Variants in FNDC3B observed in about 807,000 individuals in gnomAD.
FNDC3B encodes the protein fibronectin type III domain containing 3B.
FNDC3B carries 12 observed loss-of-function variants against 151.5 expected under a neutral mutation model. That is an observed-to-expected ratio of 0.08 (90% CI 0.05 to 0.13). FNDC3B has a LOEUF of 0.13. Ranked by LOEUF, FNDC3B falls within the 10% of genes least tolerant of loss-of-function variation. FNDC3B has a pLI of 1.00. For synonymous variants in FNDC3B, 528 were observed against 549.0 expected (o/e 0.96, Z 0.54); for missense variants, 1,214 against 1,505.3 (o/e 0.81, Z 3.20).
At chr3:172,111,093 C>T (rs1719936248) in intron 1 of FNDC3B, among the ~76,000 whole-genome samples, 1 of 125,624 alleles carries the variant, frequency 8.0e-6, no homozygotes, top group Non-Finnish European at 1.6e-5. Flanking sequence ...AGTGAGACTC[C>T]ATTAAAAAAA....
chr3:172,112,714 G>A, intron 2 of FNDC3B, 124 bp downstream of exon 2: 1 of 708,836 alleles, frequency 1.4e-6, no homozygotes, highest in Non-Finnish European at 2.5e-6. Flanking sequence ...AGAGGTAAGT[G>A]TTTTTGTTGT....
chr3:172,242,622 T>C (rs1280831521), intron 4 of FNDC3B, among the ~76,000 whole-genome samples: 1 of 152,324 alleles, frequency 6.6e-6, no homozygotes, highest in East Asian at 1.9e-4. Context: ...CACCAAGTCC[T>C]TAGATTGCAC....
intron 7 of FNDC3B, among the ~76,000 whole-genome samples, chr3:172,287,429 A>G (rs916197761): frequency 1.3e-5 from 2 of 152,222 alleles, no homozygotes. Flanking sequence ...CATGCATAGC[A>G]ATGATACTTC....
chr3:172,150,383 CT>C (rs1722158438), intron 3 of FNDC3B, among the ~76,000 whole-genome samples: 4 of 151,866 alleles, frequency 2.6e-5, no homozygotes, highest in African/African-American at 9.7e-5. Flanking sequence ...GAAGTGGTAC[CT>C]TTTCATTTTA....
chr3:172,258,175 C>T (rs1728461388), intron 6 of FNDC3B, among the ~76,000 whole-genome samples: 1 of 152,108 alleles, frequency 6.6e-6, no homozygotes, highest in African/African-American at 2.4e-5. Flanking sequence ...AATGAACGTA[C>T]AGCATACTCT....
intron 6 of FNDC3B, among the ~76,000 whole-genome samples, chr3:172,257,202 C>T (rs977061566): frequency 3.3e-5 from 5 of 152,174 alleles, no homozygotes; most frequent in South Asian, 2.1e-4. Context: ...TGAGCCACTG[C>T]GCCTGGCCTC....
intron 23 of FNDC3B, among the ~76,000 whole-genome samples, chr3:172,371,118 C>G (rs1377058524): frequency 6.6e-6 from 1 of 152,122 alleles, no homozygotes; most frequent in Admixed American, 6.5e-5. Flanking sequence ...ACCCTCCCCC[C>G]TTGCCCACCC....
At position 172,171,433 on chromosome 3, in the gene FNDC3B, AT is replaced by A. The variant is rs1211570576; in HGVS notation, c.187+37894del. On this transcript the variant is annotated intron_variant, in intron 3 of 25. Coordinates refer to ENST00000415807, the MANE Select transcript of FNDC3B (RefSeq NM_022763.4). ...ACTACTGGAAACTTCGATGCCCAGT[AT>A]TTTTTTCTCTATTCTTTTTATTAAA... 6.6e-5 allele frequency among the ~76,000 whole-genome samples: 10 copies of A among 152,022 alleles called. No homozygotes were observed. In the South Asian group the frequency reaches 2.1e-3, roughly 32 times the overall value.
At chr3:172,214,147 A>G (rs367944864) in intron 3 of FNDC3B, among the ~76,000 whole-genome samples, 2 of 152,156 alleles carry the variant, frequency 1.3e-5, no homozygotes, top group African/African-American at 4.8e-5. Flanking sequence ...ATCAGACGCC[A>G]AACACTTCAG....
intron 3 of FNDC3B, among the ~76,000 whole-genome samples, chr3:172,210,063 G>A (rs1725652716): frequency 6.6e-6 from 1 of 152,194 alleles, no homozygotes; most frequent in Non-Finnish European, 1.5e-5. Flanking sequence ...CTGAGCCTGC[G>A]GGAGCGCAGG....
intron 3 of FNDC3B, among the ~76,000 whole-genome samples, chr3:172,222,459 G>T (rs1367462100): frequency 2.0e-5 from 3 of 152,218 alleles, no homozygotes; most frequent in Non-Finnish European, 2.9e-5. Context: ...ATGTTGTGAA[G>T]ATAGCATCTG....
At chr3:172,281,212 TTTA>T (rs202090492) in intron 6 of FNDC3B, among the ~76,000 whole-genome samples, 28 of 106,218 alleles carry the variant, frequency 2.6e-4, no homozygotes, top group African/African-American at 1.1e-3. Flanking sequence ...ATTATTATTA[TTTA>T]TATTTATTTA....
intron 3 of FNDC3B, among the ~76,000 whole-genome samples, chr3:172,179,009 C>T (rs768238795): frequency 1.3e-5 from 2 of 152,116 alleles, no homozygotes; most frequent in Admixed American, 6.5e-5. Context: ...CTCTCTTTTG[C>T]TATTCCATAG....
Position 172,263,082 on chromosome 3 carries a change from A to AAT in FNDC3B, c.790+11549_790+11550dup, listed in dbSNP as rs1248531548. On this transcript the variant is annotated intron_variant, in intron 6 of 25. Transcript: ENST00000415807. ...ATCCCCTTGGTATGTAATAAAAAGC[A>AAT]ATATATATAAATATATATATATATA... 5.0e-5 allele frequency among the ~76,000 whole-genome samples: 7 copies of AAT among 139,336 alleles called. No homozygotes were observed. In the South Asian group the frequency reaches 1.6e-3, roughly 32 times the overall value. 91.4% of individuals were successfully genotyped at this position (139,336 alleles called of 152,430 possible). A position where few individuals can be genotyped will look rare whatever the true frequency, so the allele number is the denominator to read the frequency against.
intron 1 of FNDC3B, among the ~76,000 whole-genome samples, chr3:172,080,377 C>G (rs113363043): frequency 0.066 from 10,049 of 152,142 alleles, 485 homozygotes; most frequent in South Asian, 0.15. Context: ...CTCAAGTGAT[C>G]CTTCTGCCTC....
intron 9 of FNDC3B, chr3:172,302,431 G>A (rs1279718768): frequency 6.6e-6 from 1 of 152,210 alleles, no homozygotes; most frequent in African/African-American, 2.4e-5. Flanking sequence ...GGCTGCTCCA[G>A]TTGGCATCTG....
At chr3:172,305,228 A>G (rs1303429493) in intron 9 of FNDC3B, among the ~76,000 whole-genome samples, 2 of 152,108 alleles carry the variant, frequency 1.3e-5, no homozygotes, top group Non-Finnish European at 2.9e-5. Context: ...TGTCTTCACA[A>G]TCCCGGGACT....
intron 3 of FNDC3B, among the ~76,000 whole-genome samples, chr3:172,180,374 A>C (rs1723829157): frequency 6.6e-6 from 1 of 152,200 alleles, no homozygotes; most frequent in South Asian, 2.1e-4. Context: ...CTACTGTTTG[A>C]GAACATGAAT....
intron 4 of FNDC3B, among the ~76,000 whole-genome samples, chr3:172,231,210 C>G (rs1726870466): frequency 6.6e-6 from 1 of 152,154 alleles, no homozygotes; most frequent in African/African-American, 2.4e-5. Flanking sequence ...GATATAAAAG[C>G]CACATATTGT....
Sources: allele counts gnomAD v4.1 joint callset (sites outside exome capture counted in the v4.1 genomes callset), GRCh38; gene constraint gnomAD v4.1.1; transcripts MANE v1.5; gene names NCBI Gene and HGNC (gene_info 2026-07-23, HGNC 2026-07-21).